STON2: variants seen among roughly 807,000 people sequenced by gnomAD.
The protein encoded by STON2 is stonin-2.
Under a neutral mutation model 65.7 loss-of-function variants are expected in STON2, and 29 were observed. The ratio of observed to expected loss-of-function variants is 0.44; its 90% CI spans 0.33 to 0.60. STON2 has a LOEUF of 0.60. Among genes scored for constraint, STON2 ranks in the 20% least tolerant of loss-of-function variants. The pLI is 0.03. For synonymous variants in STON2, 404 were observed against 414.2 expected, an observed-to-expected ratio of 0.98 and a Z score of 0.30; for missense variants, 1,054 against 1,118.1, an observed-to-expected ratio of 0.94 and a Z score of 0.82.
At chr14:81,384,585 C>T (rs557401208) in intron 3 of STON2, among the ~76,000 whole-genome samples, 1 of 152,148 alleles carries the variant, frequency 6.6e-6, no homozygotes. Flanking sequence ...TATGAACCCC[C>T]CTCCCTGTCC....
In STON2 at chr14:81,395,973, G is replaced by A. The variant is rs757433495; in HGVS notation, c.294C>T (p.Ala98=). 1.2e-6 allele frequency: 2 copies of A among 1,614,216 alleles called. No individual in the cohort carries two copies. The highest frequency in any genetic ancestry group is 1.1e-5 in the South Asian group (1 of 91,086). The change falls in exon 3 of 8, where the codon GCC becomes GCT. Residue 98 remains alanine (A), a synonymous_variant. Transcript: ENST00000614646. ...PEQPPPDLAS[A]ISNWVQFEDD... Reference sequence around the variant, plus strand: ...CTTCAAACTGAACCCAGTTGCTGATGGCCGAGGCCAGGTCAGGTGGGGGCT... The same window carrying A: ...CTTCAAACTGAACCCAGTTGCTGATAGCCGAGGCCAGGTCAGGTGGGGGCT...
At chr14:81,344,189 CATTTT>C (rs1346833166) in intron 4 of STON2, among the ~76,000 whole-genome samples, 1 of 152,114 alleles carries the variant, frequency 6.6e-6, no homozygotes, top group African/African-American at 2.4e-5. Context: ...TAAGATATTT[CATTTT>C]ATTTCAAAAT....
rs1351895082 is a variant in STON2 at position 81,266,304 on chromosome 14, C to T, written c.*2110G>A. 3 of 171,792 alleles carry T rather than the reference C, an allele frequency of 1.7e-5. No individual in the cohort carries two copies. Among genetic ancestry groups the T allele is most frequent in the Non-Finnish European group, 3.5e-5 (3 of 85,912 alleles). 10.6% of individuals were successfully genotyped at this position (171,792 alleles called of 1,614,324 possible). Reference sequence around the variant, plus strand: ...GAACAACTCTTATTAGACAATTCTTCCTTATATTGAAGCAAACATTTGTCA... The same window carrying T: ...GAACAACTCTTATTAGACAATTCTTTCTTATATTGAAGCAAACATTTGTCA... On this transcript the variant is annotated 3_prime_UTR_variant, in exon 8 of 8. Coordinates refer to ENST00000614646, the MANE Select transcript of STON2 (RefSeq NM_001394390.1).
chr14:81,317,835 T>A lies in STON2; in HGVS notation c.742+6182A>T, dbSNP rs569251944. Among the ~76,000 whole-genome samples the A allele has an allele frequency of 3.3e-5, 5 of 152,322 alleles. No homozygotes were observed. In the South Asian group the frequency reaches 1.0e-3, roughly 32 times the overall value. ...GATAACCAAGCCCAGTAACCCATAATCTTTACATTTTAGAGGATACAGTGG... is the reference window on the plus strand; with the variant it reads ...GATAACCAAGCCCAGTAACCCATAAACTTTACATTTTAGAGGATACAGTGG... On this transcript the variant is annotated intron_variant, in intron 5 of 7. Transcript: ENST00000614646.
At chr14:81,313,717 C>T (rs1171106007) in intron 5 of STON2, among the ~76,000 whole-genome samples, 4 of 151,296 alleles carry the variant, frequency 2.6e-5, no homozygotes, top group Admixed American at 1.3e-4. Flanking sequence ...ATCGCTTGAA[C>T]CCGGGAGGCA....
chr14:81,402,968 T>C (rs1427314619), upstream of STON2, among the ~76,000 whole-genome samples: 1 of 152,192 alleles, frequency 6.6e-6, no homozygotes, highest in Non-Finnish European at 1.5e-5. Flanking sequence ...TTGCATGCTA[T>C]ACCCTCAGCA....
At chr14:81,308,094 T>C (rs905857152) in intron 5 of STON2, among the ~76,000 whole-genome samples, 9 of 152,210 alleles carry the variant, frequency 5.9e-5, no homozygotes, top group Non-Finnish European at 1.0e-4. Context: ...CTTTTGTCTA[T>C]TGAATATAAA....
rs766248405 is a variant in STON2 at position 81,277,545 on chromosome 14, T to C, written c.1937A>G (p.Gln646Arg). Reference protein sequence around the residue: ...FSGIVSKGDNQILQHHVLTRI... With the variant: ...FSGIVSKGDNRILQHHVLTRI... ...TGTCAAGACATGGTGCTGGAGAATC[T>C]GGTTGTCTCCTTTGCTCACAATGCC... Residue 646 changes from glutamine (Q) to arginine (R), a missense_variant, in exon 6 of 8, where the codon CAG becomes CGG. Coordinates refer to ENST00000614646, the MANE Select transcript of STON2 (RefSeq NM_001394390.1). 1.9e-6 allele frequency: 3 copies of C among 1,614,200 alleles called. No individual in the cohort carries two copies. Among genetic ancestry groups the C allele is most frequent in the Middle Eastern group, 1.6e-4 (1 of 6,062 alleles).
In STON2 at chr14:81,394,567, C is replaced by T. The variant is rs532682993; in HGVS notation, c.373+1327G>A. Among the ~76,000 whole-genome samples, 9 of 152,204 alleles carry T rather than the reference C, an allele frequency of 5.9e-5. No individual in the cohort carries two copies. The South Asian group carries it at 1.2e-3, about 21-fold the overall frequency. On this transcript the variant is annotated intron_variant, in intron 3 of 7. Coordinates refer to ENST00000614646, the MANE Select transcript of STON2 (RefSeq NM_001394390.1). ...GGACCTTGAGATGGGGACATTATCC[C>T]GGTGAGCCCAGTGTAACCACAGAGG...
chr14:81,396,811 C>A (rs1464078473), intron 2 of STON2, among the ~76,000 whole-genome samples: 1 of 152,134 alleles, frequency 6.6e-6, no homozygotes, highest in Non-Finnish European at 1.5e-5. Flanking sequence ...ATAATCCCAA[C>A]ACTTTGGGAG....
At chr14:81,319,119 T>C (rs1896732743) in intron 5 of STON2, among the ~76,000 whole-genome samples, 1 of 152,128 alleles carries the variant, frequency 6.6e-6, no homozygotes, top group African/African-American at 2.4e-5. Context: ...AATCAACCAA[T>C]TGCCCCCCTC....
intron 1 of STON2, among the ~76,000 whole-genome samples, chr14:81,431,537 G>C (rs912896739): frequency 3.9e-5 from 6 of 152,116 alleles, no homozygotes; most frequent in African/African-American, 1.2e-4. Flanking sequence ...CCAGCACTTT[G>C]GGAGGCCAAG....
intron 4 of STON2, among the ~76,000 whole-genome samples, chr14:81,351,828 T>C (rs1371223381): frequency 1.3e-5 from 2 of 152,164 alleles, no homozygotes; most frequent in Non-Finnish European, 2.9e-5. Context: ...TAGTTCCTCA[T>C]CTGTTGAATA....
chr14:81,299,113 A>G (rs1895875221), intron 5 of STON2, among the ~76,000 whole-genome samples: 1 of 152,180 alleles, frequency 6.6e-6, no homozygotes, highest in African/African-American at 2.4e-5. Flanking sequence ...AAGTGACACC[A>G]AACTGTATTT....
chr14:81,303,059 GGT>G (rs56117739), intron 5 of STON2, among the ~76,000 whole-genome samples: 5,552 of 96,890 alleles, frequency 0.057, 262 homozygotes, highest in African/African-American at 0.12. Context: ...ATGTGTGGGG[GGT>G]GTGTGTGTGT....
chr14:81,344,228 TTC>T (rs1167455813), intron 4 of STON2, among the ~76,000 whole-genome samples: 1 of 152,238 alleles, frequency 6.6e-6, no homozygotes, highest in Non-Finnish European at 1.5e-5. Context: ...TTCTAATTTT[TTC>T]TGATTTTTAG....
chr14:81,402,601 A>G (rs935570127), upstream of STON2, among the ~76,000 whole-genome samples: 7 of 152,098 alleles, frequency 4.6e-5, no homozygotes, highest in Non-Finnish European at 1.0e-4. Flanking sequence ...CAGGAATGGT[A>G]TGTCTAGCCC....
chr14:81,366,802 T>C (rs1392805901), intron 4 of STON2, among the ~76,000 whole-genome samples: 1 of 150,112 alleles, frequency 6.7e-6, no homozygotes, highest in African/African-American at 2.5e-5. Context: ...CCATATCAAA[T>C]GGAAATGAGG....
rs568067506 is a variant in STON2, at chr14:81,358,173, T to A, written c.571+12815A>T. 5.0e-3 allele frequency among the ~76,000 whole-genome samples: 759 copies of A among 152,130 alleles called. 5 individuals are homozygous for A. The highest frequency in any genetic ancestry group is 0.017 in the African/African-American group (721 of 41,480). On this transcript the variant is annotated intron_variant, in intron 4 of 7. Transcript: ENST00000614646. Reference sequence around the variant, plus strand: ...CAATTTTATCCCTAGCATTAAGGGTTAAAAAACAAAACTATTAATAACAAC... The same window carrying A: ...CAATTTTATCCCTAGCATTAAGGGTAAAAAAACAAAACTATTAATAACAAC...
Sources: gnomAD v4.1 joint callset for allele counts (sites outside exome capture counted in the v4.1 genomes callset) on GRCh38, gnomAD v4.1.1 for gene constraint, MANE v1.5 for transcripts, NCBI Gene and HGNC (gene_info 2026-07-23, HGNC 2026-07-21) for gene names.